Variants in NGLY1 observed in about 807,000 individuals in gnomAD.
NGLY1 encodes the protein N-glycanase 1.
A neutral mutation model predicts 84.6 loss-of-function variants in NGLY1; 68 were observed. The ratio of observed to expected loss-of-function variants is 0.80; its 90% CI spans 0.66 to 0.98. The LOEUF is 0.98. Among genes scored for constraint, NGLY1 ranks in the 50% least tolerant of loss-of-function variants. The pLI is 0.00. For missense variants in NGLY1, 779 were observed against 770.2 expected, an observed-to-expected ratio of 1.01 and a Z score of -0.14; for synonymous variants, 280 against 275.2, an observed-to-expected ratio of 1.02 and a Z score of -0.17.
At chr3:25,722,464 C>T (rs535783528) in intron 10 of NGLY1, among the ~76,000 whole-genome samples, 1 of 152,208 alleles carries the variant, frequency 6.6e-6, no homozygotes, top group Non-Finnish European at 1.5e-5. Flanking sequence ...CAATAGTATT[C>T]TAATCACCAT....
chr3:25,733,155 A>G (rs1705625481), intron 8 of NGLY1, among the ~76,000 whole-genome samples: 1 of 152,138 alleles, frequency 6.6e-6, no homozygotes, highest in Non-Finnish European at 1.5e-5. Flanking sequence ...GTTTTCAGGT[A>G]GAGATCTCCG....
At chr3:25,786,846 A>T (rs1363582864), upstream of NGLY1, among the ~76,000 whole-genome samples, 6 of 152,246 alleles carry the variant, frequency 3.9e-5, no homozygotes, top group African/African-American at 1.4e-4. Flanking sequence ...ATGCACAAAA[A>T]GTGCATGTGT....
chr3:25,757,929 T>C (rs1019803985), intron 3 of NGLY1, among the ~76,000 whole-genome samples: 2 of 152,372 alleles, frequency 1.3e-5, no homozygotes, highest in South Asian at 2.1e-4. Flanking sequence ...CCCGCACTCC[T>C]ACTTCTGCAG....
At position 25,733,969 on chromosome 3, in the gene NGLY1, G is replaced by A; in HGVS notation, c.1163C>T (p.Thr388Ile). 6.2e-7 allele frequency: 1 copy of A among 1,613,488 alleles called. No individual in the cohort carries two copies. Among genetic ancestry groups the A allele is most frequent in the Non-Finnish European group, 8.5e-7 (1 of 1,179,630 alleles). Reference sequence around the variant, plus strand: ...TTCATGTTTGCAGGAATATCGCCAAGTGACATCAACTACCTGAAACAAATA... The same window carrying A: ...TTCATGTTTGCAGGAATATCGCCAAATGACATCAACTACCTGAAACAAATA... The part of the protein sequence containing the change: ...AFSKDEVVDV[T>I]WRYSCKHEEV... Residue 388 changes from threonine (T) to isoleucine (I), a missense_variant, in exon 8 of 12, where the codon ACT becomes ATT. Physicochemically the swap from Thr to Ile is moderately conservative, Grantham distance 89 (BLOSUM62 -1). Transcript: ENST00000280700.
chr3:25,764,174 A>C lies in NGLY1; in HGVS notation c.384T>G (p.Pro128=), dbSNP rs944211173. Residue 128 remains proline, a synonymous_variant, in exon 3 of 12, where the codon CCT becomes CCG. Transcript: ENST00000280700. ...KSHKVKSSQQ[P]AASTQLPTTP... ...TTGTAGGAAGCTGGGTACTGGCTGC[A>C]GGTTGCTGAGATGACTTTACTTTGT... The C allele has an allele frequency of 5.6e-6, 9 of 1,614,070 alleles. No individual in the cohort carries two copies. Among genetic ancestry groups the C allele is most frequent in the Non-Finnish European group, 7.6e-6 (9 of 1,180,032 alleles).
chr3:25,754,941 T>C (rs775361376), intron 3 of NGLY1: 4 of 728,166 alleles, frequency 5.5e-6, no homozygotes, highest in East Asian at 4.9e-5. Flanking sequence ...TTGGGCAAGA[T>C]GGCACTTCCC....
intron 2 of NGLY1, among the ~76,000 whole-genome samples, chr3:25,775,110 C>T (rs1220093254): frequency 6.6e-6 from 1 of 152,266 alleles, no homozygotes; most frequent in African/African-American, 2.4e-5. Context: ...CGGGCACTCA[C>T]AGGTTTTCCT....
intron 1 of NGLY1, among the ~76,000 whole-genome samples, chr3:25,781,089 A>C (rs1708394625): frequency 1.3e-5 from 2 of 151,926 alleles, no homozygotes. Flanking sequence ...AGCTGGGACT[A>C]CAGGTGTCTG....
At chr3:25,721,732 G>A (rs1270628849) in intron 10 of NGLY1, among the ~76,000 whole-genome samples, 1 of 101,708 alleles carries the variant, frequency 9.8e-6, no homozygotes, top group Non-Finnish European at 1.7e-5. Flanking sequence ...CTGGGCGACA[G>A]AGCAAGACTC....
At chr3:25,732,523 G>A in intron 8 of NGLY1, 40 bp from the exon 9 acceptor site, 2 of 1,514,870 alleles carry the variant, frequency 1.3e-6, no homozygotes, top group East Asian at 4.5e-5. Flanking sequence ...TAAGATTAGG[G>A]GAATGTATAG....
At chr3:25,754,986 A>C in intron 3 of NGLY1, 1 of 802,760 alleles carries the variant, frequency 1.2e-6, no homozygotes, top group Non-Finnish European at 2.2e-6. Flanking sequence ...GTGATGGCAC[A>C]GATCTCGAAG....
At chr3:25,778,110 T>C (rs1708240517) in intron 2 of NGLY1, among the ~76,000 whole-genome samples, 1 of 152,236 alleles carries the variant, frequency 6.6e-6, no homozygotes, top group Non-Finnish European at 1.5e-5. Flanking sequence ...AATATTCATT[T>C]GAAGTAAAAA....
At chr3:25,768,994 A>C (rs1191419847) in intron 2 of NGLY1, among the ~76,000 whole-genome samples, 1 of 152,220 alleles carries the variant, frequency 6.6e-6, no homozygotes, top group African/African-American at 2.4e-5. Flanking sequence ...TATTCAAATG[A>C]CAAGGGATTA....
intron 7 of NGLY1, chr3:25,734,207 A>G: frequency 4.8e-6 from 2 of 414,464 alleles, no homozygotes; most frequent in Non-Finnish European, 4.3e-6. Flanking sequence ...CTGGGACTAT[A>G]GGCATGCACC....
chr3:25,723,754 T>A (rs1045991308), intron 10 of NGLY1, among the ~76,000 whole-genome samples: 11 of 152,272 alleles, frequency 7.2e-5, no homozygotes, highest in African/African-American at 2.2e-4. Flanking sequence ...CTTTAAAAAA[T>A]TTTTTTTAAA....
intron 10 of NGLY1, among the ~76,000 whole-genome samples, chr3:25,722,225 AAT>A (rs985253974): frequency 1.3e-5 from 2 of 151,246 alleles, no homozygotes; most frequent in African/African-American, 4.9e-5. Context: ...TAAAAAAAAA[AAT>A]AAAAATAAAA....
intron 10 of NGLY1, among the ~76,000 whole-genome samples, chr3:25,728,853 C>T (rs2125458913): frequency 6.6e-6 from 1 of 152,124 alleles, no homozygotes; most frequent in East Asian, 1.9e-4. Flanking sequence ...ATGCAAAAAT[C>T]AGTCATATGG....
chr3:25,735,602 C>G (rs1559534938), intron 7 of NGLY1: 1 of 154,592 alleles, frequency 6.5e-6, no homozygotes, highest in Non-Finnish European at 1.4e-5. Context: ...AATGGCACAA[C>G]CACGTTGGAA....
chr3:25,745,577 T>C (rs1706376503), intron 4 of NGLY1, among the ~76,000 whole-genome samples: 1 of 152,234 alleles, frequency 6.6e-6, no homozygotes, highest in Non-Finnish European at 1.5e-5. Flanking sequence ...CTTCCTTATA[T>C]ATACATGATG....
Sources: allele counts gnomAD v4.1 joint callset (sites outside exome capture counted in the v4.1 genomes callset), GRCh38; gene constraint gnomAD v4.1.1; transcripts MANE v1.5; gene names NCBI Gene and HGNC (gene_info 2026-07-23, HGNC 2026-07-21).